Variants in JAK2 observed in about 807,000 individuals in gnomAD.
The protein encoded by JAK2 is Janus kinase 2.
A neutral mutation model predicts 139.3 loss-of-function variants in JAK2; 86 were observed. The ratio of observed to expected loss-of-function variants is 0.62; its 90% CI spans 0.52 to 0.74. The LOEUF (loss-of-function observed/expected upper bound fraction) is 0.74. JAK2 is among the 30% of genes least tolerant of loss of function. The pLI is 0.00. For synonymous variants in JAK2, 490 were observed against 437.7 expected (o/e 1.12, Z -1.49); for missense variants, 1,421 against 1,360.3 (o/e 1.04, Z -0.70).
chr9:5,126,877 A>G lies in JAK2; in HGVS notation c.*86A>G. On this transcript the variant is annotated 3_prime_UTR_variant, in exon 25 of 25. Transcript: ENST00000381652. The stretch of plus-strand genomic sequence containing the variant: ...ATTGCTGTGGACTATTATTACATAT[A>G]TCATTATTATATAAATCATGATGCT... The G allele has an allele frequency of 4.5e-6, 3 of 662,370 alleles. No individual in the cohort carries two copies. The highest frequency in any genetic ancestry group is 7.6e-6 in the Non-Finnish European group (3 of 396,316). The allele number at this position is 662,370 out of a possible 1,614,324, so 41.0% of individuals were successfully genotyped here.
chr9:5,005,740 T>C (rs1821256464), intron 2 of JAK2, among the ~76,000 whole-genome samples: 1 of 152,202 alleles, frequency 6.6e-6, no homozygotes, highest in South Asian at 2.1e-4. Flanking sequence ...TCAATGTTTC[T>C]TCCTCAGACA....
chr9:5,122,379 C>T (rs1273921912), intron 22 of JAK2, among the ~76,000 whole-genome samples: 2 of 152,028 alleles, frequency 1.3e-5, no homozygotes, highest in African/African-American at 2.4e-5. Flanking sequence ...TTAACAGGTT[C>T]TTTCTTTTAT....
At chr9:5,033,650 T>A (rs992525343) in intron 4 of JAK2, among the ~76,000 whole-genome samples, 3 of 152,118 alleles carry the variant, frequency 2.0e-5, no homozygotes, top group East Asian at 1.9e-4. Flanking sequence ...AAGCTTCATA[T>A]GTGAAGGAGA....
intron 2 of JAK2, among the ~76,000 whole-genome samples, chr9:4,997,152 G>T (rs1195012144): frequency 6.6e-6 from 1 of 151,752 alleles, no homozygotes; most frequent in Non-Finnish European, 1.5e-5. Context: ...GTCTGGTCTT[G>T]AACTCCTGGG....
intron 22 of JAK2, among the ~76,000 whole-genome samples, chr9:5,113,307 CG>C (rs1039510962): frequency 7.0e-6 from 1 of 143,556 alleles, no homozygotes; most frequent in African/African-American, 2.6e-5. Context: ...GTGGAGAAAT[CG>C]TAACATATCA....
chr9:5,082,627 C>G (rs183306166), intron 19 of JAK2, among the ~76,000 whole-genome samples: 5 of 152,240 alleles, frequency 3.3e-5, no homozygotes, highest in Non-Finnish European at 7.3e-5. Flanking sequence ...TCCCATCCCA[C>G]GAGGCCATAT....
intron 4 of JAK2, among the ~76,000 whole-genome samples, chr9:5,036,694 C>T (rs1054174323): frequency 1.3e-5 from 2 of 152,138 alleles, no homozygotes; most frequent in African/African-American, 4.8e-5. Flanking sequence ...TTCCTTACAC[C>T]TTATACAAAA....
chr9:5,125,783 T>TA (rs1347977471), intron 23 of JAK2, among the ~76,000 whole-genome samples: 1 of 151,578 alleles, frequency 6.6e-6, no homozygotes, highest in Admixed American at 6.6e-5. Flanking sequence ...GGTATGTATA[T>TA]ATGTGAATTA....
chr9:5,043,363 A>G (rs949251959), intron 4 of JAK2, among the ~76,000 whole-genome samples: 10 of 152,352 alleles, frequency 6.6e-5, no homozygotes, highest in Middle Eastern at 3.4e-3. Context: ...GCCCAACATC[A>G]TTGGTCATTA....
At chr9:5,035,946 T>C (rs941109412) in intron 4 of JAK2, among the ~76,000 whole-genome samples, 7 of 152,222 alleles carry the variant, frequency 4.6e-5, no homozygotes, top group Non-Finnish European at 1.0e-4. Flanking sequence ...AAATTGTCCC[T>C]GTTTGCAGAT....
At chr9:5,033,817 A>G (rs1176961742) in intron 4 of JAK2, among the ~76,000 whole-genome samples, 4 of 152,238 alleles carry the variant, frequency 2.6e-5, no homozygotes, top group Non-Finnish European at 5.9e-5. Flanking sequence ...CGAGGCTAGG[A>G]AGAAACTGCA....
At chr9:5,010,700 T>TGAAA (rs1821643916) in intron 2 of JAK2, among the ~76,000 whole-genome samples, 1 of 152,088 alleles carries the variant, frequency 6.6e-6, no homozygotes, top group Admixed American at 6.5e-5. Context: ...TTTTGAGCTC[T>TGAAA]TCATTCCTTT....
In JAK2 at chr9:4,985,375, G is replaced by T. The variant is rs1468097816; in HGVS notation, c.-364G>T. 2 of 152,398 alleles carry T rather than the reference G, an allele frequency of 1.3e-5. No individual in the cohort carries two copies. The highest frequency in any genetic ancestry group is 4.8e-5 in the African/African-American group (2 of 41,466). 9.4% of individuals were successfully genotyped at this position (152,398 alleles called of 1,614,324 possible). ...GTTCGCGTCGCCACTTCGGCTTCTC[G>T]GCCGGTCGGGCCCCTCGGCCCGGGC... is the stretch of plus-strand genomic sequence containing the variant. On this transcript the variant is annotated 5_prime_UTR_variant, in exon 1 of 25. Transcript: ENST00000381652.
At chr9:5,000,852 T>C (rs1275380976) in intron 2 of JAK2, among the ~76,000 whole-genome samples, 1 of 152,192 alleles carries the variant, frequency 6.6e-6, no homozygotes, top group African/African-American at 2.4e-5. Context: ...AAGAACTTGA[T>C]AACGTATTGG....
intron 7 of JAK2, 29 bp from the exon 8 acceptor site, chr9:5,055,640 T>C (rs1817709254): frequency 6.6e-7 from 1 of 1,504,254 alleles, no homozygotes; most frequent in African/African-American, 1.4e-5. Context: ...ATTCTACCCG[T>C]TTTTAATTTT....
intron 19 of JAK2, among the ~76,000 whole-genome samples, 194 bp from the exon 20 acceptor site, chr9:5,089,480 G>C (rs1820396418): frequency 7.2e-6 from 1 of 138,614 alleles, no homozygotes; most frequent in African/African-American, 2.7e-5. Context: ...GGAGCTTGCA[G>C]TGAGCCGAGA....
chr9:4,990,190 T>G (rs2129705190), intron 2 of JAK2, among the ~76,000 whole-genome samples: 1 of 152,290 alleles, frequency 6.6e-6, no homozygotes, highest in Non-Finnish European at 1.5e-5. Flanking sequence ...AGGTTTGCTT[T>G]TCAGTGACGG....
At chr9:5,075,860 A>C (rs1352904777) in intron 14 of JAK2, among the ~76,000 whole-genome samples, 1 of 152,190 alleles carries the variant, frequency 6.6e-6, no homozygotes, top group Non-Finnish European at 1.5e-5. Flanking sequence ...AAGTAGAAAA[A>C]CTTATGGAAA....
At chr9:5,046,244 G>T (rs943514466) in intron 5 of JAK2, among the ~76,000 whole-genome samples, 6 of 152,030 alleles carry the variant, frequency 3.9e-5, no homozygotes, top group African/African-American at 1.4e-4. Context: ...GAAGTCCTTT[G>T]CCCATTTTTA....
Sources: gnomAD v4.1 joint callset for allele counts (sites outside exome capture counted in the v4.1 genomes callset) on GRCh38, gnomAD v4.1.1 for gene constraint, MANE v1.5 for transcripts, NCBI Gene and HGNC (gene_info 2026-07-23, HGNC 2026-07-21) for gene names.